GSE1: variants seen among roughly 807,000 people sequenced by gnomAD.
GSE1 encodes the protein Gse1 coiled-coil protein, also known as genetic suppressor element 1.
GSE1 carries 32 observed loss-of-function variants against 112.6 expected under a neutral mutation model. The observed-to-expected ratio is 0.28, with a 90% CI of 0.21 to 0.38. GSE1 has a LOEUF of 0.38. GSE1 is among the 10% of genes least tolerant of loss of function. The pLI is 1.00. For synonymous variants in GSE1, 1,115 were observed against 735.6 expected, an observed-to-expected ratio of 1.52 and a Z score of -8.35; for missense variants, 2,348 against 1,699.2, an observed-to-expected ratio of 1.38 and a Z score of -6.71.
chr16:85,223,800 T>C (rs2075434520), intron 1 of GSE1, among the ~76,000 whole-genome samples: 1 of 151,948 alleles, frequency 6.6e-6, no homozygotes, highest in African/African-American at 2.4e-5. Flanking sequence ...AGATGGGGTT[T>C]CACCATGTTG....
intron 1 of GSE1, among the ~76,000 whole-genome samples, chr16:85,256,197 G>T (rs987076362): frequency 6.6e-6 from 1 of 152,078 alleles, no homozygotes; most frequent in African/African-American, 2.4e-5. Context: ...AGGCAGACTC[G>T]GACAGCACCG....
intron 2 of GSE1, among the ~76,000 whole-genome samples, chr16:85,512,277 A>C (rs1177341721): frequency 6.6e-6 from 1 of 152,132 alleles, no homozygotes; most frequent in East Asian, 1.9e-4. Context: ...CCCAGAGGGA[A>C]CACAGCAGGT....
rs1285190496 is a variant in GSE1, at chr16:85,478,927, C to CTTTCTTTCTTTCTTTCTTTCTTTT, written c.2464+121285_2464+121286insTTCTTTCTTTCTTTCTTTCTTTTT. ...TCTTTCTTTCTTTCTTTCTTTCTTT[C>CTTTCTTTCTTTCTTTCTTTCTTTT]TCTTTCTTTCTTTCTTTCTTTTTTT... On this transcript the variant is annotated intron_variant, in intron 2 of 2. Coordinates refer to the GSE1 transcript ENST00000637419. Among the ~76,000 whole-genome samples, 39 of 28,060 alleles carry CTTTCTTTCTTTCTTTCTTTCTTTT rather than the reference C, an allele frequency of 1.4e-3. 3 individuals are homozygous for CTTTCTTTCTTTCTTTCTTTCTTTT. The highest frequency in any genetic ancestry group is 5.7e-3 in the African/African-American group (37 of 6,534). The allele number at this position is 28,060 out of a possible 152,430, so 18.4% of individuals were successfully genotyped here. A position where few individuals can be genotyped will look rare whatever the true frequency, so the allele number is the denominator to read the frequency against.
chr16:85,305,640 G>A (rs1251656521), intron 1 of GSE1, among the ~76,000 whole-genome samples: 1 of 152,034 alleles, frequency 6.6e-6, no homozygotes, highest in Admixed American at 6.5e-5. Flanking sequence ...GCACCACCAT[G>A]CCTGGCTAAT....
chr16:85,378,062 G>T (rs1045610906), intron 2 of GSE1, among the ~76,000 whole-genome samples: 1 of 152,186 alleles, frequency 6.6e-6, no homozygotes, highest in Non-Finnish European at 1.5e-5. Flanking sequence ...TGGCAGCCAC[G>T]TCTCTTGGAG....
At chr16:85,660,630 C>T (rs1025421254) in intron 8 of GSE1, among the ~76,000 whole-genome samples, 1 of 149,458 alleles carries the variant, frequency 6.7e-6, no homozygotes, top group African/African-American at 2.5e-5. Context: ...CAGAGTGAGT[C>T]TTTTTTTTTG....
intron 1 of GSE1, among the ~76,000 whole-genome samples, chr16:85,193,330 C>G (rs1219231060): frequency 2.6e-5 from 4 of 152,126 alleles, no homozygotes; most frequent in Admixed American, 1.3e-4. Flanking sequence ...TGCTACGTTT[C>G]TAAATTTATT....
At chr16:85,542,291 G>C (rs2044547981) in intron 2 of GSE1, among the ~76,000 whole-genome samples, 1 of 152,220 alleles carries the variant, frequency 6.6e-6, no homozygotes, top group African/African-American at 2.4e-5. Context: ...TTAAATGTCA[G>C]AGTGAGCAGA....
chr16:85,674,027 CCTCCTTGTCCTAGTTA>C lies in GSE1; in HGVS notation c.*1491_*1506del, dbSNP rs2053543139. 2.0e-5 allele frequency: 3 copies of C among 152,268 alleles called. No individual in the cohort carries two copies. The South Asian group carries it at 6.2e-4, about 32-fold the overall frequency. The allele number at this position is 152,268 out of a possible 1,614,324, so 9.4% of individuals were successfully genotyped here. On this transcript the variant is annotated 3_prime_UTR_variant, in exon 16 of 16. Coordinates refer to ENST00000253458, the MANE Select transcript of GSE1 (RefSeq NM_014615.5). ...CAAGGCAAAGCAACGGGCGAGTCTT[CCTCCTTGTCCTAGTTA>C]CTGCCTATGGAGGCAGTGTTTAGAT...
chr16:85,669,076 G>C (rs1037915138), intron 14 of GSE1, among the ~76,000 whole-genome samples: 2 of 152,274 alleles, frequency 1.3e-5, no homozygotes, highest in African/African-American at 4.8e-5. Context: ...GGGCCACGAA[G>C]TTGGGCGTTG....
chr16:85,438,348 G>C (rs1218763055), intron 2 of GSE1, among the ~76,000 whole-genome samples: 2 of 152,198 alleles, frequency 1.3e-5, no homozygotes, highest in Non-Finnish European at 2.9e-5. Context: ...AGTGGGGAGT[G>C]GTGGCCTCTG....
upstream of GSE1, among the ~76,000 whole-genome samples, chr16:85,611,894 C>A (rs889778632): frequency 6.6e-6 from 1 of 151,358 alleles, no homozygotes; most frequent in African/African-American, 2.4e-5. Context: ...GAGGCGGGCT[C>A]GCGGGGACGG....
chr16:85,393,838 T>C (rs926155319), intron 2 of GSE1, among the ~76,000 whole-genome samples: 4 of 152,062 alleles, frequency 2.6e-5, no homozygotes, highest in Middle Eastern at 6.8e-3. Flanking sequence ...GGGCTTGAGG[T>C]TCCCCACCAC....
chr16:85,552,498 A>AT (rs531013857), upstream of GSE1, among the ~76,000 whole-genome samples: 2 of 122,300 alleles, frequency 1.6e-5, 1 homozygote, highest in Admixed American at 1.8e-4. Context: ...CGCCCGGCTA[A>AT]TTTTTTTGTG....
chr16:85,196,423 C>T (rs567535207), intron 1 of GSE1, among the ~76,000 whole-genome samples: 1 of 152,030 alleles, frequency 6.6e-6, no homozygotes, highest in Non-Finnish European at 1.5e-5. Context: ...AAGGGATTGG[C>T]GTCAAGTTCA....
chr16:85,462,263 G>C lies in GSE1; in HGVS notation c.2464+104620G>C, dbSNP rs540719250. ...AAAGCCCTAGGTCAGGGAGCTCAGA[G>C]ACCCCTGGGTTAGAAGCGATGTCAG... On this transcript the variant is annotated intron_variant, in intron 2 of 2. Coordinates refer to the GSE1 transcript ENST00000637419. Among the ~76,000 whole-genome samples, 49 of 152,192 alleles carry C rather than the reference G, an allele frequency of 3.2e-4. 1 individual carries two copies. The highest frequency in any genetic ancestry group is 6.8e-3 in the Middle Eastern group (2 of 294).
chr16:85,239,358 A>T (rs1904985943), intron 1 of GSE1, among the ~76,000 whole-genome samples: 1 of 152,214 alleles, frequency 6.6e-6, no homozygotes, highest in South Asian at 2.1e-4. Flanking sequence ...ATTGAGCACC[A>T]GGTGTGAGGC....
At chr16:85,611,413 T>C, upstream of GSE1, 1 of 956,466 alleles carries the variant, frequency 1.0e-6, no homozygotes, top group Non-Finnish European at 1.2e-6. Flanking sequence ...CGAGCCACCG[T>C]GTGGTGCGTA....
At chr16:85,197,370 G>T (rs143051400) in intron 1 of GSE1, among the ~76,000 whole-genome samples, 1 of 152,192 alleles carries the variant, frequency 6.6e-6, no homozygotes, top group African/African-American at 2.4e-5. Context: ...AATTTTAAAG[G>T]ACTCCAGCCC....
Sources: allele counts gnomAD v4.1 joint callset (sites outside exome capture counted in the v4.1 genomes callset), GRCh38; gene constraint gnomAD v4.1.1; transcripts MANE v1.5; gene names NCBI Gene and HGNC (gene_info 2026-07-23, HGNC 2026-07-21).